The following PRKN variants were observed in gnomAD, a reference collection of about 807,000 sequenced individuals.
The protein encoded by PRKN is parkin RBR E3 ubiquitin protein ligase, also known as E3 ubiquitin-protein ligase parkin.
Under a neutral mutation model 59.5 loss-of-function variants are expected in PRKN, and 56 were observed. The observed-to-expected ratio is 0.94, with a 90% CI of 0.76 to 1.18. The LOEUF is 1.18. Ranked by LOEUF, PRKN falls within the 50% of genes most tolerant of loss-of-function variation. PRKN has a pLI of 0.00. For missense variants in PRKN, 657 were observed against 596.4 expected (o/e 1.10, Z -1.06); for synonymous variants, 250 against 222.1 (o/e 1.13, Z -1.12).
At chr6:162,159,793 C>T (rs2849595) in intron 4 of PRKN, among the ~76,000 whole-genome samples, 15,615 of 152,140 alleles carry the variant, frequency 0.1, 1,472 homozygotes, top group East Asian at 0.4. Context: ...AGTGCAGAAA[C>T]AGACAAATAC....
In PRKN at chr6:161,533,305, A is replaced by G. The variant is rs887198043; in HGVS notation, c.1083+15549T>C. On this transcript the variant is annotated intron_variant, in intron 9 of 11. Transcript: ENST00000366898. This position sits in a 1 kb window ranked among gnomAD's most constrained non-coding sequence, Gnocchi z 4.1. The stretch of plus-strand genomic sequence containing the variant: ...CAGTGAGGGTATGGAAGTCCTCAGT[A>G]AGGTTTTCTTCTTAATGAAAAGCAG... Among the ~76,000 whole-genome samples the G allele has an allele frequency of 1.3e-5, 2 of 152,308 alleles. No individual in the cohort carries two copies.
intron 7 of PRKN, among the ~76,000 whole-genome samples, chr6:161,736,540 G>A (rs4708925): frequency 0.27 from 40,803 of 151,926 alleles, 5,584 homozygotes; most frequent in Admixed American, 0.33. Context: ...CCCTTACCGG[G>A]GGCCATCCCC....
chr6:161,365,035 T>G (rs1288570189), intron 10 of PRKN, among the ~76,000 whole-genome samples: 1 of 151,768 alleles, frequency 6.6e-6, no homozygotes, highest in Non-Finnish European at 1.5e-5. Context: ...AGGCAGAGGG[T>G]CCTTAGATTT....
Position 162,359,589 on chromosome 6 carries a change from AT to A in PRKN, c.171+83720del, listed in dbSNP as rs1223491990. On this transcript the variant is annotated intron_variant, in intron 2 of 11. Coordinates refer to ENST00000366898, the MANE Select transcript of PRKN (RefSeq NM_004562.3). ...GCTATAACTAAATATACCTTTTAAA[AT>A]TAAAAAAAAAAAAACATAAACATGG... Among the ~76,000 whole-genome samples the A allele has an allele frequency of 2.6e-4, 21 of 81,400 alleles. 1 individual carries two copies. The highest frequency in any genetic ancestry group is 1.8e-3 in the African/African-American group (18 of 10,170). 53.4% of individuals were successfully genotyped at this position (81,400 alleles called of 152,430 possible). A position where few individuals can be genotyped will look rare whatever the true frequency, so the allele number is the denominator to read the frequency against.
intron 2 of PRKN, among the ~76,000 whole-genome samples, chr6:162,323,787 C>T (rs1322800146): frequency 6.6e-6 from 1 of 151,968 alleles, no homozygotes; most frequent in Non-Finnish European, 1.5e-5. Context: ...ACTGAAACTC[C>T]CATGCACCGC....
chr6:162,338,812 C>T (rs1306256951), intron 2 of PRKN, among the ~76,000 whole-genome samples: 19 of 150,232 alleles, frequency 1.3e-4, no homozygotes, highest in South Asian at 1.1e-3. Flanking sequence ...GTGAGGAGCG[C>T]CTCTTCCCGG....
At chr6:162,207,611 C>T (rs561014636) in intron 3 of PRKN, among the ~76,000 whole-genome samples, 28 of 152,306 alleles carry the variant, frequency 1.8e-4, no homozygotes, top group African/African-American at 6.7e-4. Context: ...TTCCGTCTCA[C>T]TATGTGAGTG....
chr6:162,031,127 G>T (rs1783620518), intron 5 of PRKN, among the ~76,000 whole-genome samples: 1 of 152,136 alleles, frequency 6.6e-6, no homozygotes, highest in Non-Finnish European at 1.5e-5. Flanking sequence ...ATGCAGCTGA[G>T]ATGTCCAGCT....
intron 7 of PRKN, among the ~76,000 whole-genome samples, chr6:161,736,538 G>A (rs541465152): frequency 3.3e-5 from 5 of 152,194 alleles, no homozygotes; most frequent in Admixed American, 1.3e-4. Context: ...TCCCCTTACC[G>A]GGGGCCATCC....
chr6:162,156,815 C>T (rs546634642), intron 4 of PRKN, among the ~76,000 whole-genome samples: 2 of 152,216 alleles, frequency 1.3e-5, no homozygotes, highest in East Asian at 3.9e-4. Flanking sequence ...ACAATGTTCT[C>T]CCCCTTTGCA....
chr6:161,885,865 C>A (rs1286049458), intron 6 of PRKN, among the ~76,000 whole-genome samples: 2 of 151,998 alleles, frequency 1.3e-5, no homozygotes, highest in African/African-American at 4.8e-5. Context: ...ACTCTATGTC[C>A]CAAGTTTGAG....
intron 5 of PRKN, among the ~76,000 whole-genome samples, chr6:162,046,751 AT>A (rs1784265279): frequency 6.6e-6 from 1 of 152,224 alleles, no homozygotes; most frequent in South Asian, 2.1e-4. Context: ...AAAAAGGAGA[AT>A]TAAATTAAGC....
intron 2 of PRKN, among the ~76,000 whole-genome samples, chr6:162,351,552 C>T (rs1038856507): frequency 1.3e-5 from 2 of 152,092 alleles, no homozygotes; most frequent in Non-Finnish European, 1.5e-5. Flanking sequence ...CAGGACATTT[C>T]GCAGGGAAGT....
chr6:162,320,945 C>T (rs904338423), intron 2 of PRKN, among the ~76,000 whole-genome samples: 5 of 151,734 alleles, frequency 3.3e-5, no homozygotes, highest in Non-Finnish European at 7.4e-5. Flanking sequence ...TTCCAATTGT[C>T]TTCACATTCC....
At chr6:162,532,695 A>T (rs1778562200) in intron 1 of PRKN, among the ~76,000 whole-genome samples, 1 of 152,250 alleles carries the variant, frequency 6.6e-6, no homozygotes, top group South Asian at 2.1e-4. Context: ...ACAAAAGGTC[A>T]GTGTAAATCT....
intron 2 of PRKN, among the ~76,000 whole-genome samples, chr6:162,329,256 CG>C (rs1783462846): frequency 6.6e-6 from 1 of 151,834 alleles, no homozygotes; most frequent in Non-Finnish European, 1.5e-5. Context: ...GGGTGCAGCA[CG>C]GGGGACCCAG....
Position 161,545,013 on chromosome 6 carries a change from G to T in PRKN, c.1083+3841C>A. 3.4e-6 allele frequency: 1 copy of T among 297,736 alleles called. No homozygotes were observed. Among genetic ancestry groups the T allele is most frequent in the Non-Finnish European group, 5.3e-6 (1 of 187,262 alleles). 18.4% of individuals were successfully genotyped at this position (297,736 alleles called of 1,614,324 possible). On this transcript the variant is annotated intron_variant, in intron 9 of 11. Coordinates refer to ENST00000366898, the MANE Select transcript of PRKN (RefSeq NM_004562.3). This position sits in a 1 kb window ranked among gnomAD's most constrained non-coding sequence, Gnocchi z 4.1. ...CGGAAGACCACCCAGGTACATGGTCGTGGGTGAAATGACTAGAAGATTAGA... is the reference window on the plus strand; with the variant it reads ...CGGAAGACCACCCAGGTACATGGTCTTGGGTGAAATGACTAGAAGATTAGA...
At chr6:162,239,686 T>C (rs1384795486) in intron 3 of PRKN, among the ~76,000 whole-genome samples, 1 of 152,078 alleles carries the variant, frequency 6.6e-6, no homozygotes, top group Non-Finnish European at 1.5e-5. Flanking sequence ...TCCTGAGAAT[T>C]CTGCTTGCAG....
At chr6:161,944,796 G>A (rs545437994) in intron 6 of PRKN, among the ~76,000 whole-genome samples, 2 of 152,314 alleles carry the variant, frequency 1.3e-5, no homozygotes, top group East Asian at 3.9e-4. Context: ...ATCTATGTTA[G>A]AAGAAAACAG....
Sources: gnomAD v4.1 joint callset for allele counts (sites outside exome capture counted in the v4.1 genomes callset) on GRCh38, gnomAD v4.1.1 for gene constraint, Gnocchi (gnomAD v3.1) non-coding constraint, MANE v1.5 for transcripts, NCBI Gene and HGNC (gene_info 2026-07-23, HGNC 2026-07-21) for gene names.